The following RRM1 variants were observed in gnomAD, a reference collection of about 807,000 sequenced individuals.
RRM1 encodes ribonucleoside-diphosphate reductase large subunit.
Under a neutral mutation model 101.5 loss-of-function variants are expected in RRM1, and 19 were observed. The ratio of observed to expected loss-of-function variants is 0.19; its 90% CI spans 0.13 to 0.27. The LOEUF is 0.27. RRM1 is among the 10% of genes least tolerant of loss of function. The pLI, the probability that RRM1 is intolerant of heterozygous loss-of-function variation, is 1.00. For missense variants in RRM1, 500 were observed against 962.9 expected, an observed-to-expected ratio of 0.52 and a Z score of 6.36; for synonymous variants, 298 against 323.4, an observed-to-expected ratio of 0.92 and a Z score of 0.84.
At position 4,132,409 on chromosome 11, in the gene RRM1, A is replaced by C; in HGVS notation, c.1893A>C (p.Ser631=). Residue 631 remains serine, a synonymous_variant, in exon 16 of 19, where the codon TCA becomes TCC. Transcript: ENST00000300738. The surrounding 1 kb of genome is among the most constrained non-coding windows in gnomAD (Gnocchi z 4.1). ...TSNIYTRRVL[S]GEFQIVNPHL... ...ACATCTATACTCGCAGAGTCTTGTC[A>C]GGAGAATTTCAGGTGAGCAGTTCAC... 1 of 1,614,126 alleles carries C rather than the reference A, an allele frequency of 6.2e-7. No homozygotes were observed. Among genetic ancestry groups the C allele is most frequent in the South Asian group, 1.1e-5 (1 of 91,084 alleles).
At chr11:4,107,934 A>G (rs1682680535) in intron 4 of RRM1, among the ~76,000 whole-genome samples, 1 of 152,168 alleles carries the variant, frequency 6.6e-6, no homozygotes, top group Non-Finnish European at 1.5e-5. Flanking sequence ...ATGTGTAAGA[A>G]TTCCTTTAGT....
chr11:4,102,272 T>C (rs1311080506), intron 2 of RRM1, among the ~76,000 whole-genome samples, 191 bp downstream of exon 2: 1 of 152,248 alleles, frequency 6.6e-6, no homozygotes, highest in Non-Finnish European at 1.5e-5. Context: ...AGTTCTCACT[T>C]TTCAGAGAAC....
chr11:4,094,749 C>T, upstream of RRM1: 1 of 572,386 alleles, frequency 1.7e-6, no homozygotes, highest in South Asian at 2.1e-5. Context: ...TGAAGCCTAC[C>T]CCGGGCGTGG....
intron 1 of RRM1, among the ~76,000 whole-genome samples, 192 bp downstream of exon 1, chr11:4,095,223 C>G (rs528978244): frequency 7.2e-5 from 11 of 152,372 alleles, no homozygotes; most frequent in Admixed American, 2.6e-4. Flanking sequence ...TCCTTCGGGC[C>G]TTCAGGCTGC....
At chr11:4,112,438 A>G (rs2094566881) in intron 7 of RRM1, among the ~76,000 whole-genome samples, 1 of 152,014 alleles carries the variant, frequency 6.6e-6, no homozygotes, top group Non-Finnish European at 1.5e-5. Context: ...ATCTTGGCTC[A>G]CTGCAACCTG....
At chr11:4,106,914 A>G (rs1173650139) in intron 3 of RRM1, among the ~76,000 whole-genome samples, 1 of 150,066 alleles carries the variant, frequency 6.7e-6, no homozygotes, top group Non-Finnish European at 1.5e-5. Context: ...TTTTTTTGAG[A>G]TAAAGTTTTG....
chr11:4,125,428 G>A (rs1455893417), intron 12 of RRM1, among the ~76,000 whole-genome samples: 1 of 152,086 alleles, frequency 6.6e-6, no homozygotes, highest in Non-Finnish European at 1.5e-5. Context: ...TCATGTTGTA[G>A]CATGTATCAG....
In RRM1 at chr11:4,113,114, C is replaced by T. The variant is rs972990479; in HGVS notation, c.650+1052C>T. 2.9e-5 allele frequency among the ~76,000 whole-genome samples: 3 copies of T among 102,574 alleles called. No individual in the cohort carries two copies. In the Admixed American group the frequency reaches 3.2e-4, roughly 11 times the overall value. 67.3% of individuals were successfully genotyped at this position (102,574 alleles called of 152,430 possible). A position where few individuals can be genotyped will look rare whatever the true frequency, so the allele number is the denominator to read the frequency against. ...AAGGAACACTAACGGTCTGGTAATA[C>T]ATTAAAAAAAAAAATATGCCATTAT... is the stretch of plus-strand genomic sequence containing the variant. On this transcript the variant is annotated intron_variant, in intron 7 of 18. Transcript: ENST00000300738.
At chr11:4,117,576 CAT>C (rs1417418050) in intron 7 of RRM1, among the ~76,000 whole-genome samples, 4 of 152,180 alleles carry the variant, frequency 2.6e-5, no homozygotes, top group Non-Finnish European at 5.9e-5. Flanking sequence ...AAGTGTATAA[CAT>C]GTAAAAATGT....
intron 13 of RRM1, 84 bp from the exon 14 acceptor site, chr11:4,126,951 G>A (rs1345939216): frequency 3.5e-6 from 5 of 1,419,944 alleles, no homozygotes; most frequent in Non-Finnish European, 4.8e-6. Context: ...AGAAAAAGAG[G>A]TAGTCTGTCT....
At chr11:4,131,215 GC>G (rs915619151) in intron 15 of RRM1, among the ~76,000 whole-genome samples, 1 of 152,146 alleles carries the variant, frequency 6.6e-6, no homozygotes, top group African/African-American at 2.4e-5. Flanking sequence ...AGGGAGAAAA[GC>G]CCCTTATAAA....
rs2094591092 is a variant in RRM1, at chr11:4,127,173, T to C, written c.1609T>C (p.Tyr537His). 2.5e-6 allele frequency: 4 copies of C among 1,613,884 alleles called. No individual in the cohort carries two copies. The East Asian group carries it at 8.9e-5, about 36-fold the overall frequency. ...LNKQIFETIY[Y>H]GALEASCDLA... ...TAAGCAGATCTTTGAAACTATTTAT[T>C]ATGGTGCTCTGGAAGCCAGCTGTGA... Residue 537 changes from tyrosine to histidine, a missense_variant, in exon 14 of 19, where the codon TAT (tyrosine) becomes CAT (histidine). By Grantham distance (83) the Tyr-to-His change is moderately conservative. Around this residue, in one of 9 missense-constraint regions of RRM1, gnomAD observed 106 missense variants for 138.1 expected, o/e 0.77. Transcript: ENST00000300738.
At chr11:4,134,819 T>G in intron 17 of RRM1, among the ~76,000 whole-genome samples, 1 of 152,240 alleles carries the variant, frequency 6.6e-6, no homozygotes, top group African/African-American at 2.4e-5. Flanking sequence ...ATTAAAAAAT[T>G]AAAAAATTGG....
chr11:4,135,405 CA>C (rs768725746), intron 18 of RRM1, 135 bp downstream of exon 18: 5 of 631,946 alleles, frequency 7.9e-6, no homozygotes, highest in Non-Finnish European at 1.3e-5. Flanking sequence ...ACGTTAAAAC[CA>C]ACCCATGGTT....
In RRM1 at chr11:4,095,047, G is replaced by T. The variant is rs539380569; in HGVS notation, c.19+16G>T. 1.3e-6 allele frequency: 2 copies of T among 1,567,452 alleles called. No individual in the cohort carries two copies. Among genetic ancestry groups the T allele is most frequent in the Non-Finnish European group, 1.7e-6 (2 of 1,156,472 alleles). ...ATCAAGCGAGGTGAGGGGGGGACGA[G>T]GTGGGCGAGAAGGAAGGTGAGGGGA... On this transcript the variant is annotated intron_variant, in intron 1 of 18. Transcript: ENST00000300738.
chr11:4,136,526 G>A (rs1263061104), intron 18 of RRM1, among the ~76,000 whole-genome samples: 1 of 151,930 alleles, frequency 6.6e-6, no homozygotes, highest in South Asian at 2.1e-4. Context: ...GGCCAGGAAT[G>A]TATTTTATTT....
rs749460951 is a variant in RRM1, at chr11:4,111,956, G to A, written c.544G>A (p.Asp182Asn). The part of the protein sequence containing the change: ...MRVSVGIHKE[D>N]IDAAIETYNL... ...AGTATCTGTTGGGATCCACAAAGAA[G>A]ACATTGATGCAGCAATTGAAACATA... The change falls in exon 7 of 19, where the codon GAC (aspartate) becomes AAC (asparagine). Residue 182 changes from aspartate (D) to asparagine (N), a missense_variant. Coordinates refer to ENST00000300738, the MANE Select transcript of RRM1 (RefSeq NM_001033.5). 2 of 1,614,118 alleles carry A rather than the reference G, an allele frequency of 1.2e-6. No homozygotes were observed. The highest frequency in any genetic ancestry group is 2.2e-5 in the South Asian group (2 of 91,084).
intron 7 of RRM1, among the ~76,000 whole-genome samples, chr11:4,113,393 T>A (rs1480448310): frequency 6.6e-6 from 1 of 152,100 alleles, no homozygotes; most frequent in East Asian, 1.9e-4. Flanking sequence ...AGATTGGAAA[T>A]CAGGGAACAA....
chr11:4,121,190 T>C (rs1176305018), intron 9 of RRM1, among the ~76,000 whole-genome samples: 72 of 152,342 alleles, frequency 4.7e-4, no homozygotes, highest in Admixed American at 4.6e-3. Context: ...AATTTCTCTC[T>C]GATGGACTTT....
Sources: allele counts gnomAD v4.1 joint callset (sites outside exome capture counted in the v4.1 genomes callset), GRCh38; gene constraint gnomAD v4.1.1; regional missense constraint gnomAD v4.1.1; non-coding constraint Gnocchi (gnomAD v3.1); transcripts MANE v1.5; gene names NCBI Gene and HGNC (gene_info 2026-07-23, HGNC 2026-07-21).